Variants in NPIPA6 observed in about 807,000 individuals in gnomAD.
NPIPA6 encodes nuclear pore complex interacting protein family, member A6, also known as nuclear pore complex-interacting protein family member A6.
the NPIPA6 span, among the ~76,000 whole-genome samples, chr16:16,343,714 TG>T: frequency 1.5e-4 from 6 of 41,324 alleles, no homozygotes; most frequent in East Asian, 1.0e-3. Flanking sequence ...TCTTGTGTGT[TG>T]TGTGTGTGTG....
At chr16:16,336,081 A>G in the NPIPA6 span, 1 of 17,628 alleles carries the variant, frequency 5.7e-5, no homozygotes, top group South Asian at 3.4e-4. Context: ...GAGCTCAGGA[A>G]GGAAGGAGCA....
chr16:16,337,310 C>T, the NPIPA6 span: 11 of 104,994 alleles, frequency 1.0e-4, 1 homozygote, highest in African/African-American at 3.7e-4. Context: ...CTGCAACCTC[C>T]GCTTCCGGGG....
chr16:16,339,365 A>T, the NPIPA6 span, among the ~76,000 whole-genome samples: 5 of 51,140 alleles, frequency 9.8e-5, no homozygotes, highest in East Asian at 1.3e-3. Context: ...CATGCCTGTA[A>T]TCCCAGCACT....
At chr16:16,337,264 G>A in the NPIPA6 span, 7 of 147,110 alleles carry the variant, frequency 4.8e-5, no homozygotes, top group African/African-American at 1.0e-4. Context: ...TCATTCTGTC[G>A]CCCAGGCTGG....
chr16:16,336,570 TC>T, the NPIPA6 span: 2 of 178,446 alleles, frequency 1.1e-5, no homozygotes, highest in Admixed American at 1.6e-4. Flanking sequence ...CCCCTCCCCT[TC>T]CCCTCCCCCT....
chr16:16,343,713 TTGTGTG>T, the NPIPA6 span, among the ~76,000 whole-genome samples: 59 of 81,566 alleles, frequency 7.2e-4, 2 homozygotes, highest in African/African-American at 1.0e-3. Flanking sequence ...TTCTTGTGTG[TTGTGTG>T]TGTGTGTGTG....
chr16:16,338,448 C>T, the NPIPA6 span, among the ~76,000 whole-genome samples: 17 of 95,094 alleles, frequency 1.8e-4, no homozygotes, highest in Non-Finnish European at 2.8e-4. Flanking sequence ...TGCAGTGGTG[C>T]GATCTTGGCT....
At chr16:16,343,713 T>TTGTG in the NPIPA6 span, among the ~76,000 whole-genome samples, 41 of 81,490 alleles carry the variant, frequency 5.0e-4, no homozygotes, top group South Asian at 9.3e-4. Context: ...TTCTTGTGTG[T>TTGTG]TGTGTGTGTG....
the NPIPA6 span, among the ~76,000 whole-genome samples, chr16:16,337,149 G>A: frequency 3.3e-5 from 3 of 92,164 alleles, no homozygotes; most frequent in Admixed American, 3.2e-4. Context: ...TGGCCCCGCT[G>A]CACTCTTGTC....
chr16:16,336,985 T>C, the NPIPA6 span: 1 of 48,336 alleles, frequency 2.1e-5, no homozygotes, highest in Non-Finnish European at 3.9e-5. Context: ...AGTTGAAGAC[T>C]AGCCAGGGCA....
the NPIPA6 span, among the ~76,000 whole-genome samples, chr16:16,343,751 C>T: frequency 1.4e-5 from 1 of 70,330 alleles, no homozygotes. Flanking sequence ...GACAGAGTCT[C>T]ATTCTGTCAC....
At chr16:16,343,587 C>A in the NPIPA6 span, among the ~76,000 whole-genome samples, 1 of 112,732 alleles carries the variant, frequency 8.9e-6, no homozygotes, top group African/African-American at 3.9e-5. Context: ...GCAGAGACAG[C>A]GTTTCTCCAT....
the NPIPA6 span, among the ~76,000 whole-genome samples, chr16:16,336,347 C>G: frequency 3.4e-5 from 1 of 29,342 alleles, no homozygotes; most frequent in Admixed American, 2.9e-4. Context: ...AAAGCAGAAC[C>G]TTTGTCTCCT....
the NPIPA6 span, chr16:16,336,630 C>G: frequency 5.7e-6 from 1 of 175,804 alleles, no homozygotes; most frequent in Non-Finnish European, 1.0e-5. Context: ...GTCCCCTTCC[C>G]TCCCCCCTGC....
At chr16:16,336,517 A>C in the NPIPA6 span, among the ~76,000 whole-genome samples, 6 of 26,560 alleles carry the variant, frequency 2.3e-4, no homozygotes, top group African/African-American at 3.5e-4. Flanking sequence ...CTCCTCCCCA[A>C]CAGCCCCCTT....
the NPIPA6 span, chr16:16,334,148 GC>G: frequency 1.0e-6 from 1 of 965,364 alleles, no homozygotes; most frequent in South Asian, 1.6e-5. Flanking sequence ...CGCCCAGTTG[GC>G]CGGACCTGCT....
the NPIPA6 span, among the ~76,000 whole-genome samples, chr16:16,336,366 C>T: frequency 3.1e-5 from 1 of 32,288 alleles, no homozygotes; most frequent in African/African-American, 1.3e-4. Flanking sequence ...CTAATTGCTC[C>T]TAAGCCTCAC....
chr16:16,343,024 T>TA, the NPIPA6 span, among the ~76,000 whole-genome samples: 1 of 95,190 alleles, frequency 1.1e-5, no homozygotes, highest in Non-Finnish European at 2.1e-5. Context: ...GTAAAATACT[T>TA]ACAAGATGAT....
chr16:16,337,167 A>G, the NPIPA6 span, among the ~76,000 whole-genome samples: 29 of 102,284 alleles, frequency 2.8e-4, no homozygotes, highest in East Asian at 6.8e-4. Flanking sequence ...GTCTCTAACA[A>G]ACAAAACGGA....
Sources: gnomAD v4.1 joint callset for allele counts (sites outside exome capture counted in the v4.1 genomes callset) on GRCh38, gnomAD v4.1.1 for gene constraint, MANE v1.5 for transcripts, NCBI Gene and HGNC (gene_info 2026-07-23, HGNC 2026-07-21) for gene names.